The following TMEM132D variants were observed in gnomAD, a reference collection of about 807,000 sequenced individuals.
TMEM132D encodes transmembrane protein 132D, also known as mature OL transmembrane protein.
A neutral mutation model predicts 62.3 loss-of-function variants in TMEM132D; 21 were observed. The observed-to-expected ratio is 0.34, with a 90% CI of 0.24 to 0.49. TMEM132D has a LOEUF of 0.49. Ranked by LOEUF, TMEM132D falls within the 20% of genes least tolerant of loss-of-function variation. The pLI is 0.99. For synonymous variants in TMEM132D, 621 were observed against 575.6 expected, an observed-to-expected ratio of 1.08 and a Z score of -1.13; for missense variants, 1,346 against 1,402.8, an observed-to-expected ratio of 0.96 and a Z score of 0.65.
At chr12:129,582,516 G>T (rs1333486527) in intron 2 of TMEM132D, among the ~76,000 whole-genome samples, 2 of 152,184 alleles carry the variant, frequency 1.3e-5, no homozygotes, top group Non-Finnish European at 1.5e-5. Context: ...CTGCCTTGAG[G>T]GCTGGCTGCT....
chr12:129,165,920 G>A (rs138288263), intron 5 of TMEM132D, among the ~76,000 whole-genome samples: 17 of 152,310 alleles, frequency 1.1e-4, no homozygotes, highest in African/African-American at 3.8e-4. Flanking sequence ...GGCTATTCAC[G>A]TGACGCTGAC....
rs562988798 is a variant in TMEM132D at position 129,896,147 on chromosome 12, T to G, written c.79+7114A>C. Among the ~76,000 whole-genome samples, 5 of 151,596 alleles carry G rather than the reference T, an allele frequency of 3.3e-5. No homozygotes were observed. In the South Asian group the frequency reaches 8.4e-4, roughly 25 times the overall value. On this transcript the variant is annotated intron_variant, in intron 1 of 8. Transcript: ENST00000422113. ...ACTGCACCTGGCTCATTTTTTTTGTTTTGTTTTGTTTTGTTTTTGTAGAGA... is the reference window on the plus strand; with the variant it reads ...ACTGCACCTGGCTCATTTTTTTTGTGTTGTTTTGTTTTGTTTTTGTAGAGA...
chr12:129,573,724 G>A lies in TMEM132D; in HGVS notation c.969-42519C>T, dbSNP rs193186594. Among the ~76,000 whole-genome samples the A allele has an allele frequency of 3.3e-5, 5 of 152,130 alleles. No homozygotes were observed. The East Asian group carries it at 5.8e-4, about 18-fold the overall frequency. On this transcript the variant is annotated intron_variant, in intron 2 of 8. Coordinates refer to ENST00000422113, the MANE Select transcript of TMEM132D (RefSeq NM_133448.3). Reference sequence around the variant, plus strand: ...TCCACCAAGAAGAAAATGCATAAACGTTGATGGCAAGGGCAGGCACTGAAT... The same window carrying A: ...TCCACCAAGAAGAAAATGCATAAACATTGATGGCAAGGGCAGGCACTGAAT...
intron 4 of TMEM132D, among the ~76,000 whole-genome samples, chr12:129,232,362 TG>T (rs1184040071): frequency 6.6e-6 from 1 of 152,214 alleles, no homozygotes; most frequent in Admixed American, 6.5e-5. Context: ...ACATGTTTTC[TG>T]CTTGATGCTT....
chr12:129,622,179 A>G (rs1461328373), intron 2 of TMEM132D, among the ~76,000 whole-genome samples: 3 of 152,202 alleles, frequency 2.0e-5, no homozygotes. Context: ...CAAAGTCTGC[A>G]TTTCGAAACG....
chr12:129,453,635 C>T (rs892914789), intron 3 of TMEM132D, among the ~76,000 whole-genome samples: 3 of 152,190 alleles, frequency 2.0e-5, no homozygotes, highest in African/African-American at 7.2e-5. Context: ...TGTGCACGAA[C>T]GCTGACTGCT....
intron 3 of TMEM132D, among the ~76,000 whole-genome samples, chr12:129,520,691 A>C (rs1027043373): frequency 6.6e-6 from 1 of 152,228 alleles, no homozygotes; most frequent in African/African-American, 2.4e-5. Context: ...AGGTAAAAGA[A>C]TGATCAAGGC....
chr12:129,218,960 T>A (rs1017989625), intron 4 of TMEM132D, among the ~76,000 whole-genome samples: 3 of 152,170 alleles, frequency 2.0e-5, no homozygotes, highest in Admixed American at 2.0e-4. Flanking sequence ...ATTGTCTGAC[T>A]AAAGGCTAGA....
chr12:129,203,115 C>T (rs1012146358), intron 5 of TMEM132D, among the ~76,000 whole-genome samples: 4 of 152,146 alleles, frequency 2.6e-5, no homozygotes, highest in African/African-American at 9.7e-5. Flanking sequence ...TTGTATCAAT[C>T]GCTGAGTGTC....
chr12:129,204,157 C>T (rs1489979216), intron 5 of TMEM132D, among the ~76,000 whole-genome samples: 1 of 152,126 alleles, frequency 6.6e-6, no homozygotes, highest in African/African-American at 2.4e-5. Context: ...TGCACTAGTT[C>T]CCCAGCAAGG....
At chr12:129,688,943 G>A (rs527780945) in intron 2 of TMEM132D, among the ~76,000 whole-genome samples, 1 of 152,080 alleles carries the variant, frequency 6.6e-6, no homozygotes, top group Non-Finnish European at 1.5e-5. Flanking sequence ...TCTAACCAGA[G>A]GTTATTGCGT....
chr12:129,799,153 T>C (rs1260573993), intron 1 of TMEM132D, among the ~76,000 whole-genome samples: 1 of 151,982 alleles, frequency 6.6e-6, no homozygotes, highest in Non-Finnish European at 1.5e-5. Flanking sequence ...TAATCCCAAC[T>C]ACTCAGGAGG....
At chr12:129,463,472 A>G (rs1424257884) in intron 3 of TMEM132D, among the ~76,000 whole-genome samples, 2 of 64,578 alleles carry the variant, frequency 3.1e-5, no homozygotes. Flanking sequence ...TTATTTATGT[A>G]TTATTATTAT....
At chr12:129,717,651 C>G (rs960313453) in intron 1 of TMEM132D, among the ~76,000 whole-genome samples, 2 of 149,836 alleles carry the variant, frequency 1.3e-5, no homozygotes, top group Non-Finnish European at 3.0e-5. Flanking sequence ...GATTCAATGT[C>G]TCCCTGGAAA....
At chr12:129,724,265 G>A (rs779855550) in intron 1 of TMEM132D, among the ~76,000 whole-genome samples, 1 of 152,210 alleles carries the variant, frequency 6.6e-6, no homozygotes, top group Non-Finnish European at 1.5e-5. Flanking sequence ...GATGACGAAG[G>A]TTGGAAGCCC....
At chr12:129,595,104 CTCAT>C (rs1878299656) in intron 2 of TMEM132D, among the ~76,000 whole-genome samples, 1 of 152,210 alleles carries the variant, frequency 6.6e-6, no homozygotes, top group African/African-American at 2.4e-5. Flanking sequence ...ACCTGATCTC[CTCAT>C]TAATTCTAGG....
At chr12:129,794,879 T>C (rs1216069821) in intron 1 of TMEM132D, among the ~76,000 whole-genome samples, 6 of 152,160 alleles carry the variant, frequency 3.9e-5, no homozygotes, top group Non-Finnish European at 8.8e-5. Context: ...CCTGCGTAAA[T>C]AGGAAAGCAG....
intron 3 of TMEM132D, among the ~76,000 whole-genome samples, chr12:129,382,015 G>A (rs1235116194): frequency 1.3e-5 from 2 of 152,196 alleles, no homozygotes; most frequent in Non-Finnish European, 2.9e-5. Flanking sequence ...TGCAATTGTA[G>A]ATCATCAATT....
At chr12:129,124,132 C>G (rs773663609) in intron 5 of TMEM132D, among the ~76,000 whole-genome samples, 18 of 152,216 alleles carry the variant, frequency 1.2e-4, no homozygotes, top group Non-Finnish European at 2.2e-4. Flanking sequence ...AATTGTTAAA[C>G]TTTCTGCAGA....
Sources: allele counts gnomAD v4.1 joint callset (sites outside exome capture counted in the v4.1 genomes callset), GRCh38; gene constraint gnomAD v4.1.1; transcripts MANE v1.5; gene names NCBI Gene and HGNC (gene_info 2026-07-23, HGNC 2026-07-21).